Variants in DDI2 observed in about 807,000 individuals in gnomAD.
The protein encoded by DDI2 is DDI proteasomal shuttling factor 2, also known as protein DDI1 homolog 2.
Under a neutral mutation model 48.1 loss-of-function variants are expected in DDI2, and 5 were observed. That is an observed-to-expected ratio of 0.10 (90% CI 0.05 to 0.22). DDI2 has a LOEUF of 0.22. Among genes scored for constraint, DDI2 ranks in the 10% least tolerant of loss-of-function variants. DDI2 has a pLI of 1.00. For synonymous variants in DDI2, 205 were observed against 183.6 expected (o/e 1.12, Z -0.94); for missense variants, 285 against 506.2 (o/e 0.56, Z 4.19).
chr1:15,652,679 C>T (rs1220022934), intron 8 of DDI2, among the ~76,000 whole-genome samples: 2 of 151,822 alleles, frequency 1.3e-5, no homozygotes, highest in African/African-American at 4.8e-5. Context: ...AAAAATTAGC[C>T]GGGCGTAGTG....
intron 6 of DDI2, 149 bp from the exon 7 acceptor site, chr1:15,649,571 T>C: frequency 5.0e-6 from 3 of 597,596 alleles, no homozygotes; most frequent in Non-Finnish European, 8.0e-6. Context: ...CTTGGGAGGC[T>C]GAGGCAAGAG....
Position 15,661,741 on chromosome 1 carries a change from G to T in DDI2, c.*1951G>T. On this transcript the variant is annotated 3_prime_UTR_variant, in exon 10 of 10. Coordinates refer to ENST00000480945, the MANE Select transcript of DDI2 (RefSeq NM_032341.5). ...TACATGACTGTGGGAAAGTGGGCTA[G>T]ACCGTTCTCCATTCCCTTTAAACAA... is the stretch of plus-strand genomic sequence containing the variant. 1 of 1,585,694 alleles carries T rather than the reference G, an allele frequency of 6.3e-7. No homozygotes were observed. Among genetic ancestry groups the T allele is most frequent in the South Asian group, 1.2e-5 (1 of 86,042 alleles).
At chr1:15,641,752 C>G (rs942481464) in intron 5 of DDI2, among the ~76,000 whole-genome samples, 7 of 151,810 alleles carry the variant, frequency 4.6e-5, no homozygotes, top group Non-Finnish European at 1.0e-4. Context: ...GTCAGGAGTT[C>G]AAGACCAGCC....
chr1:15,633,337 A>G (rs769083651), intron 3 of DDI2, 102 bp from the exon 4 acceptor site: 117 of 1,373,536 alleles, frequency 8.5e-5, no homozygotes, highest in African/African-American at 2.2e-4. Flanking sequence ...TCCTCTCTGC[A>G]TCTCTTACAG....
At chr1:15,640,644 C>T (rs949249523) in intron 5 of DDI2, among the ~76,000 whole-genome samples, 1 of 152,200 alleles carries the variant, frequency 6.6e-6, no homozygotes, top group Non-Finnish European at 1.5e-5. Context: ...GAAAGGGGCC[C>T]TTCTCATCCT....
chr1:15,647,957 CTT>C (rs1212639709), intron 6 of DDI2, among the ~76,000 whole-genome samples: 1 of 152,060 alleles, frequency 6.6e-6, no homozygotes, highest in East Asian at 1.9e-4. Flanking sequence ...GAGCAATACT[CTT>C]TTCTCAAAAA....
chr1:15,639,526 T>G (rs1050719626), intron 5 of DDI2, among the ~76,000 whole-genome samples: 1 of 152,326 alleles, frequency 6.6e-6, no homozygotes, highest in African/African-American at 2.4e-5. Flanking sequence ...AGTGCAGTGG[T>G]GCAGTCAGCT....
At chr1:15,657,570 G>A (rs1295755297) in intron 9 of DDI2, among the ~76,000 whole-genome samples, 26 of 152,158 alleles carry the variant, frequency 1.7e-4, no homozygotes, top group Admixed American at 1.7e-3. Flanking sequence ...GCTACAAGAG[G>A]ACTATATGCT....
At chr1:15,642,834 G>A (rs1216725228) in intron 5 of DDI2, among the ~76,000 whole-genome samples, 2 of 152,198 alleles carry the variant, frequency 1.3e-5, no homozygotes, top group African/African-American at 2.4e-5. Flanking sequence ...TTGGGAGGCC[G>A]AGGCAGGTGG....
At chr1:15,640,768 A>G (rs1344548687) in intron 5 of DDI2, among the ~76,000 whole-genome samples, 1 of 152,138 alleles carries the variant, frequency 6.6e-6, no homozygotes, top group Non-Finnish European at 1.5e-5. Flanking sequence ...TTTGAATCTA[A>G]TCTTTCTCAA....
At chr1:15,654,425 G>T (rs1472414611) in intron 8 of DDI2, among the ~76,000 whole-genome samples, 2 of 152,096 alleles carry the variant, frequency 1.3e-5, no homozygotes, top group Non-Finnish European at 2.9e-5. Context: ...GGCCAAGGCA[G>T]GACGACCACT....
intron 7 of DDI2, among the ~76,000 whole-genome samples, chr1:15,650,481 A>G (rs1570986584): frequency 1.3e-5 from 2 of 152,290 alleles, no homozygotes. Flanking sequence ...ACAGTGGTAC[A>G]TGCCTGTAAT....
chr1:15,636,341 G>T (rs185391207), intron 4 of DDI2, among the ~76,000 whole-genome samples: 1 of 152,022 alleles, frequency 6.6e-6, no homozygotes, highest in Non-Finnish European at 1.5e-5. Context: ...TTGCCCAGTC[G>T]TGTCTTGAAG....
At chr1:15,620,330 A>G (rs1639638239) in intron 1 of DDI2, among the ~76,000 whole-genome samples, 1 of 151,966 alleles carries the variant, frequency 6.6e-6, no homozygotes, top group South Asian at 2.1e-4. Context: ...AACAGGATCC[A>G]CCCTAGACAC....
intron 8 of DDI2, among the ~76,000 whole-genome samples, chr1:15,652,104 C>T (rs1481711404): frequency 1.6e-5 from 2 of 122,040 alleles, no homozygotes; most frequent in African/African-American, 3.5e-5. Context: ...CTCACTCTGT[C>T]ACCCAGGTTG....
intron 3 of DDI2, 56 bp downstream of exon 3, chr1:15,630,617 C>A: frequency 8.3e-7 from 1 of 1,211,792 alleles, no homozygotes; most frequent in South Asian, 1.2e-5. Flanking sequence ...GAAGCTGTGT[C>A]ATAGCAAATG....
At chr1:15,635,352 C>G (rs1270671318) in intron 4 of DDI2, among the ~76,000 whole-genome samples, 3 of 152,048 alleles carry the variant, frequency 2.0e-5, no homozygotes, top group African/African-American at 7.2e-5. Flanking sequence ...GTCCATAAGG[C>G]TCATGTTTCT....
rs771420818 is a variant in DDI2 at position 15,661,423 on chromosome 1, A to G, written c.*1633A>G. On this transcript the variant is annotated 3_prime_UTR_variant, in exon 10 of 10. Coordinates refer to ENST00000480945, the MANE Select transcript of DDI2 (RefSeq NM_032341.5). ...AACTAAGTCTTTGTCATCCAATTTC[A>G]TATTGGTTAAAGACTTAGGTCAGGG... 28 of 1,614,086 alleles carry G rather than the reference A, an allele frequency of 1.7e-5. No individual in the cohort carries two copies. The highest frequency in any genetic ancestry group is 2.3e-5 in the Non-Finnish European group (27 of 1,180,036).
chr1:15,652,446 CGGAG>C (rs1336409507), intron 8 of DDI2, among the ~76,000 whole-genome samples: 648 of 15,898 alleles, frequency 0.041, 110 homozygotes, highest in Middle Eastern at 0.13. Flanking sequence ...TGGGAGGCTC[CGGAG>C]GGGGGGGGGG....
Sources: gnomAD v4.1 joint callset for allele counts (sites outside exome capture counted in the v4.1 genomes callset) on GRCh38, gnomAD v4.1.1 for gene constraint, MANE v1.5 for transcripts, NCBI Gene and HGNC (gene_info 2026-07-23, HGNC 2026-07-21) for gene names.